FANCC: variants seen among roughly 807,000 people sequenced by gnomAD.
FANCC encodes Fanconi anemia group C protein.
A neutral mutation model predicts 71.3 loss-of-function variants in FANCC; 55 were observed. The observed-to-expected ratio is 0.77, with a 90% confidence interval of 0.62 to 0.97. The LOEUF is 0.97. Ranked by LOEUF, FANCC falls within the 50% of genes least tolerant of loss-of-function variation. The pLI is 0.00. For synonymous variants in FANCC, 275 were observed against 244.9 expected (o/e 1.12, Z -1.15); for missense variants, 678 against 670.9 (o/e 1.01, Z -0.12).
chr9:95,128,915 T>G (rs953838687), intron 8 of FANCC, among the ~76,000 whole-genome samples: 5 of 152,124 alleles, frequency 3.3e-5, no homozygotes, highest in Admixed American at 6.5e-5. Flanking sequence ...TCTCCTTTTT[T>G]TTTTTTTTGA....
chr9:95,243,577 G>T (rs958236450), intron 3 of FANCC, among the ~76,000 whole-genome samples: 4 of 151,368 alleles, frequency 2.6e-5, no homozygotes, highest in African/African-American at 9.7e-5. Flanking sequence ...AAGGTCAGGA[G>T]ATCAAGACCA....
intron 4 of FANCC, among the ~76,000 whole-genome samples, chr9:95,209,244 G>A (rs1828338325): frequency 6.6e-6 from 1 of 152,212 alleles, no homozygotes; most frequent in African/African-American, 2.4e-5. Flanking sequence ...AATGAACAGG[G>A]AGAGCACGAA....
intron 1 of FANCC, among the ~76,000 whole-genome samples, chr9:95,278,294 C>T (rs1290988158): frequency 6.6e-6 from 1 of 152,094 alleles, no homozygotes; most frequent in Non-Finnish European, 1.5e-5. Context: ...GTTAGACTTA[C>T]AATTTTTTGA....
At chr9:95,144,214 C>T (rs920461367) in intron 7 of FANCC, among the ~76,000 whole-genome samples, 2 of 152,174 alleles carry the variant, frequency 1.3e-5, no homozygotes, top group African/African-American at 2.4e-5. Context: ...TGGGATGTTC[C>T]GCCTACGGGA....
intron 1 of FANCC, among the ~76,000 whole-genome samples, chr9:95,260,315 A>G (rs1275159058): frequency 6.6e-6 from 1 of 152,230 alleles, no homozygotes; most frequent in Admixed American, 6.5e-5. Context: ...GATAGACTGG[A>G]TAAAGAAAAT....
At chr9:95,314,971 G>A (rs1362698574) in intron 1 of FANCC, among the ~76,000 whole-genome samples, 1 of 152,036 alleles carries the variant, frequency 6.6e-6, no homozygotes, top group African/African-American at 2.4e-5. Context: ...AAATTTATAT[G>A]GAAATGTAAG....
intron 4 of FANCC, among the ~76,000 whole-genome samples, chr9:95,218,471 TA>T (rs1829017529): frequency 6.6e-6 from 1 of 151,968 alleles, no homozygotes; most frequent in Admixed American, 6.6e-5. Context: ...CTCAAAAAAA[TA>T]ATAATAAGAG....
chr9:95,309,065 G>GA lies in FANCC; in HGVS notation c.-79+8460dup, dbSNP rs751238212. 5.9e-5 allele frequency among the ~76,000 whole-genome samples: 9 copies of GA among 152,254 alleles called. No homozygotes were observed. In the East Asian group the frequency reaches 1.5e-3, roughly 26 times the overall value. On this transcript the variant is annotated intron_variant, in intron 1 of 14. Coordinates refer to ENST00000289081, the MANE Select transcript of FANCC (RefSeq NM_000136.3). ...CTTGCTTACAACTACTCAATTTTAA[G>GA]AAAAAATCAGTCATATTATACCATT...
chr9:95,261,134 C>T (rs1479278698), intron 1 of FANCC, among the ~76,000 whole-genome samples: 3 of 152,166 alleles, frequency 2.0e-5, no homozygotes, highest in Non-Finnish European at 4.4e-5. Context: ...ACAGTGTCAC[C>T]CGAAGCAGAC....
chr9:95,109,135 C>T (rs540507904), intron 13 of FANCC, among the ~76,000 whole-genome samples: 1 of 152,256 alleles, frequency 6.6e-6, no homozygotes, highest in Admixed American at 6.5e-5. Flanking sequence ...TGGTCTCAAA[C>T]TCATGGATTC....
At chr9:95,102,013 T>C (rs2071100171) in intron 14 of FANCC, among the ~76,000 whole-genome samples, 163 bp from the exon 15 acceptor site, 1 of 152,194 alleles carries the variant, frequency 6.6e-6, no homozygotes, top group African/African-American at 2.4e-5. Flanking sequence ...GCAAGGTGAT[T>C]AGCATAGCAA....
intron 4 of FANCC, among the ~76,000 whole-genome samples, chr9:95,237,953 A>G (rs1371370367): frequency 6.6e-6 from 1 of 152,166 alleles, no homozygotes; most frequent in Admixed American, 6.5e-5. Flanking sequence ...ATTTCTTTTT[A>G]TGTTTTTTAA....
intron 4 of FANCC, among the ~76,000 whole-genome samples, chr9:95,231,217 A>G (rs1829988834): frequency 6.6e-6 from 1 of 152,228 alleles, no homozygotes; most frequent in Admixed American, 6.5e-5. Flanking sequence ...TACTTTTCTG[A>G]GATCTATATG....
intron 4 of FANCC, among the ~76,000 whole-genome samples, chr9:95,195,622 G>A (rs990440416): frequency 6.6e-6 from 1 of 152,128 alleles, no homozygotes; most frequent in African/African-American, 2.4e-5. Flanking sequence ...ATAAATTCTA[G>A]AATAAGTCTG....
chr9:95,152,936 C>T (rs1830264253), intron 6 of FANCC, among the ~76,000 whole-genome samples: 1 of 151,958 alleles, frequency 6.6e-6, no homozygotes, highest in African/African-American at 2.4e-5. Context: ...AGTTGATGAG[C>T]TTAAAAAAAA....
At chr9:95,189,724 G>A (rs751671325) in intron 4 of FANCC, among the ~76,000 whole-genome samples, 2 of 152,178 alleles carry the variant, frequency 1.3e-5, no homozygotes, top group Non-Finnish European at 2.9e-5. Context: ...TATTCTGCCA[G>A]GCTTAAATAA....
At chr9:95,207,584 C>T (rs1233476314) in intron 4 of FANCC, among the ~76,000 whole-genome samples, 3 of 152,114 alleles carry the variant, frequency 2.0e-5, no homozygotes, top group African/African-American at 7.2e-5. Flanking sequence ...TGCAACATTG[C>T]CCATCTCCCT....
At chr9:95,154,512 G>A (rs958964644) in intron 6 of FANCC, among the ~76,000 whole-genome samples, 4 of 152,178 alleles carry the variant, frequency 2.6e-5, no homozygotes, top group African/African-American at 9.7e-5. Flanking sequence ...CTATATGGCA[G>A]TTTAAATGAA....
At chr9:95,191,006 C>T (rs181333403) in intron 4 of FANCC, among the ~76,000 whole-genome samples, 1 of 152,090 alleles carries the variant, frequency 6.6e-6, no homozygotes, top group Non-Finnish European at 1.5e-5. Context: ...TTTGTATAGT[C>T]CCGGGATTTT....
Sources: allele counts gnomAD v4.1 joint callset (sites outside exome capture counted in the v4.1 genomes callset), GRCh38; gene constraint gnomAD v4.1.1; transcripts MANE v1.5; gene names NCBI Gene and HGNC (gene_info 2026-07-23, HGNC 2026-07-21).